FAM227A: variants seen among roughly 807,000 people sequenced by gnomAD.
The protein encoded by FAM227A is family with sequence similarity 227 member A, also known as protein FAM227A.
A neutral mutation model predicts 74.7 loss-of-function variants in FAM227A; 80 were observed. That is an observed-to-expected ratio of 1.07 (90% CI 0.89 to 1.29). The LOEUF (loss-of-function observed/expected upper bound fraction) is 1.29, where lower values mean the gene tolerates loss of function less well. Ranked by LOEUF, FAM227A falls within the 50% of genes most tolerant of loss-of-function variation. FAM227A has a pLI of 0.00. For synonymous variants in FAM227A, 237 were observed against 241.8 expected (o/e 0.98, Z 0.19); for missense variants, 654 against 683.4 (o/e 0.96, Z 0.48).
chr22:38,618,824 GT>G (rs1225415672), intron 11 of FAM227A, among the ~76,000 whole-genome samples: 26 of 152,148 alleles, frequency 1.7e-4, no homozygotes, highest in Non-Finnish European at 2.9e-5. Context: ...CAACTCTGCT[GT>G]TTCAGTGTGA....
intron 11 of FAM227A, among the ~76,000 whole-genome samples, chr22:38,615,020 G>A (rs1238755224): frequency 2.0e-5 from 3 of 152,084 alleles, no homozygotes; most frequent in Non-Finnish European, 2.9e-5. Context: ...CTTTGTGTTA[G>A]GTCTGTTCTA....
At chr22:38,602,015 A>T (rs1409305834) in intron 13 of FAM227A, among the ~76,000 whole-genome samples, 3 of 150,684 alleles carry the variant, frequency 2.0e-5, no homozygotes, top group Admixed American at 6.6e-5. Context: ...TTTTGTGTTT[A>T]AAAAAAAATA....
Position 38,645,602 on chromosome 22 carries a change from A to G in FAM227A, c.186T>C (p.Ala62=), listed in dbSNP as rs2092221266. Residue 62 remains alanine (A), a synonymous_variant, in exon 3 of 17, where the codon GCT becomes GCC. Coordinates refer to ENST00000535113, the MANE Select transcript of FAM227A (RefSeq NM_001013647.2). ...GSMHQVNQKI[A]DINLRTEPSA... ...ACGGCTCGGTACGCAGATTTATGTC[A>G]GCAATCTTTTGGTTCACCTGGTGCA... 8 of 1,551,414 alleles carry G rather than the reference A, an allele frequency of 5.2e-6. No individual in the cohort carries two copies. The highest frequency in any genetic ancestry group is 7.0e-6 in the Non-Finnish European group (8 of 1,146,920).
Position 38,623,289 on chromosome 22 carries a change from G to A in FAM227A, c.851-10C>T. ...GGGCTAGGATAGGTGCCTAAGGGAGGAGTCAAGAGTGAGAATGGGGCCGGG... is the reference window on the plus strand; with the variant it reads ...GGGCTAGGATAGGTGCCTAAGGGAGAAGTCAAGAGTGAGAATGGGGCCGGG... On this transcript the variant is annotated splice_polypyrimidine_tract_variant and intron_variant, in intron 9 of 16. Transcript: ENST00000535113. 6.5e-7 allele frequency: 1 copy of A among 1,538,156 alleles called. No homozygotes were observed. Among genetic ancestry groups the A allele is most frequent in the South Asian group, 1.2e-5 (1 of 83,770 alleles).
chr22:38,633,451 G>A (rs1307235672), intron 6 of FAM227A, among the ~76,000 whole-genome samples: 2 of 152,200 alleles, frequency 1.3e-5, no homozygotes, highest in African/African-American at 4.8e-5. Flanking sequence ...AAGGCAAACT[G>A]TGCAGGAACA....
chr22:38,628,597 CCTGT>C (rs1324784209), intron 7 of FAM227A, among the ~76,000 whole-genome samples: 3 of 152,140 alleles, frequency 2.0e-5, no homozygotes, highest in Non-Finnish European at 4.4e-5. Context: ...CTCAACCCTG[CCTGT>C]GACAGCTGTG....
intron 3 of FAM227A, among the ~76,000 whole-genome samples, chr22:38,643,691 C>A (rs2092165326): frequency 2.0e-5 from 3 of 152,170 alleles, no homozygotes; most frequent in Admixed American, 2.0e-4. Context: ...ACACAAAGAC[C>A]TGGACATGGA....
intron 2 of FAM227A, among the ~76,000 whole-genome samples, chr22:38,647,192 C>A (rs1203804262): frequency 1.3e-5 from 2 of 151,410 alleles, no homozygotes; most frequent in Non-Finnish European, 2.9e-5. Flanking sequence ...GTGCCAGGCA[C>A]GGTGGCTCAC....
At chr22:38,632,366 G>T (rs969592933) in intron 6 of FAM227A, among the ~76,000 whole-genome samples, 3 of 152,148 alleles carry the variant, frequency 2.0e-5, no homozygotes, top group Admixed American at 6.6e-5. Context: ...CCACCCTCAT[G>T]AATGGATTAA....
At position 38,597,203 on chromosome 22, in the gene FAM227A, C is replaced by T. The variant is rs888425084; in HGVS notation, c.1532+1G>A. 5.2e-6 allele frequency: 8 copies of T among 1,552,038 alleles called. No homozygotes were observed. In the Admixed American group the frequency reaches 1.2e-4, roughly 23 times the overall value. On this transcript the variant is annotated splice_donor_variant, in intron 15 of 16. Transcript: ENST00000535113. LOFTEE classifies it high-confidence loss of function. ...GGCATTCCCCAAAGCCCCTTCCATACCTGGAGAAGTTGTCTTGCAGCTCCT... is the reference window on the plus strand; with the variant it reads ...GGCATTCCCCAAAGCCCCTTCCATATCTGGAGAAGTTGTCTTGCAGCTCCT...
rs1278152273 is a variant in FAM227A, at chr22:38,623,284, G to T, written c.851-5C>A. 3.9e-6 allele frequency: 6 copies of T among 1,546,504 alleles called. No individual in the cohort carries two copies. The highest frequency in any genetic ancestry group is 5.3e-6 in the Non-Finnish European group (6 of 1,142,420). On this transcript the variant is annotated splice_region_variant and splice_polypyrimidine_tract_variant and intron_variant, in intron 9 of 16. Coordinates refer to ENST00000535113, the MANE Select transcript of FAM227A (RefSeq NM_001013647.2). ...TCTGTGGGCTAGGATAGGTGCCTAA[G>T]GGAGGAGTCAAGAGTGAGAATGGGG...
Position 38,583,036 on chromosome 22 carries a change from C to T in FAM227A, c.*3089G>A. On this transcript the variant is annotated 3_prime_UTR_variant, in exon 17 of 17. Transcript: ENST00000535113. ...ATCCAGAAATAGGAAAGTGTGGTTC[C>T]TAGAGAAACTGCAAATGAAGAGTTG... 2 of 1,429,920 alleles carry T rather than the reference C, an allele frequency of 1.4e-6. No individual in the cohort carries two copies. The highest frequency in any genetic ancestry group is 1.9e-6 in the Non-Finnish European group (2 of 1,046,358). The allele number at this position is 1,429,920 out of a possible 1,614,324, so 88.6% of individuals were successfully genotyped here.
intron 12 of FAM227A, among the ~76,000 whole-genome samples, chr22:38,606,937 G>C (rs1473877900): frequency 2.0e-5 from 3 of 152,156 alleles, no homozygotes; most frequent in Non-Finnish European, 4.4e-5. Context: ...CCAGCACTTT[G>C]AGAGGCCGAG....
chr22:38,626,523 G>A (rs1212594237), intron 8 of FAM227A, among the ~76,000 whole-genome samples: 1 of 151,616 alleles, frequency 6.6e-6, no homozygotes, highest in Non-Finnish European at 1.5e-5. Flanking sequence ...GGGAATAGAG[G>A]TGTGTACCAC....
At chr22:38,646,218 T>G (rs2092232093) in intron 2 of FAM227A, among the ~76,000 whole-genome samples, 1 of 151,128 alleles carries the variant, frequency 6.6e-6, no homozygotes, top group South Asian at 2.1e-4. Context: ...ACAACTCTGT[T>G]AGGACTTGGG....
chr22:38,619,496 G>C (rs1440447652), intron 11 of FAM227A, among the ~76,000 whole-genome samples: 1 of 152,118 alleles, frequency 6.6e-6, no homozygotes, highest in African/African-American at 2.4e-5. Flanking sequence ...GCTAATTTTT[G>C]TATTTTTAGT....
intron 10 of FAM227A, among the ~76,000 whole-genome samples, chr22:38,620,887 T>C (rs1253548916): frequency 6.6e-6 from 1 of 152,084 alleles, no homozygotes; most frequent in African/African-American, 2.4e-5. Flanking sequence ...AAAGGACTGG[T>C]TTCAGAAGAA....
At position 38,605,266 on chromosome 22, in the gene FAM227A, C is replaced by G; in HGVS notation, c.1209G>C (p.Met403Ile). The part of the protein sequence containing the change: ...RISEARECEN[M>I]FPKKSCAACK... ...ATCATGTGCTCACCTTTTTAGGAAA[C>G]ATATTCTCACATTCTCTTGCTTCTG... Residue 403 changes from methionine (M) to isoleucine (I), a missense_variant, in exon 13 of 17, where the codon ATG becomes ATC. Transcript: ENST00000535113. 6.5e-7 allele frequency: 1 copy of G among 1,544,596 alleles called. No homozygotes were observed. The highest frequency in any genetic ancestry group is 8.8e-7 in the Non-Finnish European group (1 of 1,140,246).
chr22:38,642,781 C>T (rs2092144333), intron 3 of FAM227A, among the ~76,000 whole-genome samples: 1 of 151,592 alleles, frequency 6.6e-6, no homozygotes, highest in African/African-American at 2.4e-5. Context: ...ACTAAAAATA[C>T]AAAAATTAAT....
Sources: gnomAD v4.1 joint callset for allele counts (sites outside exome capture counted in the v4.1 genomes callset) on GRCh38, gnomAD v4.1.1 for gene constraint, MANE v1.5 for transcripts, NCBI Gene and HGNC (gene_info 2026-07-23, HGNC 2026-07-21) for gene names.